The following C8orf34 variants were observed in gnomAD, a reference collection of about 807,000 sequenced individuals.
C8orf34 encodes the protein chromosome 8 open reading frame 34.
In C8orf34, 65 loss-of-function variants were observed where a neutral mutation model predicts 68.3. That is an observed-to-expected ratio of 0.95 (90% CI 0.78 to 1.17). The LOEUF is 1.17. Ranked by LOEUF, C8orf34 falls within the 50% of genes most tolerant of loss-of-function variation. The probability of loss-of-function intolerance (pLI) is 0.00; values close to 1 mark genes in which losing one functional copy is unlikely to be tolerated. For missense variants in C8orf34, 664 were observed against 655.4 expected (o/e 1.01, Z -0.14); for synonymous variants, 244 against 241.2 (o/e 1.01, Z -0.11).
intron 7 of C8orf34, among the ~76,000 whole-genome samples, chr8:68,614,621 G>A (rs1161781330): frequency 1.3e-5 from 2 of 152,096 alleles, no homozygotes; most frequent in Non-Finnish European, 2.9e-5. Flanking sequence ...TTATTTCTGA[G>A]GGCTCTGTTG....
chr8:68,624,144 C>A (rs960477631), intron 7 of C8orf34, among the ~76,000 whole-genome samples: 1 of 151,612 alleles, frequency 6.6e-6, no homozygotes, highest in East Asian at 2.0e-4. Context: ...TGGTGGTGCA[C>A]GCCTGTAATC....
At chr8:68,654,418 T>G (rs1819453869) in intron 8 of C8orf34, among the ~76,000 whole-genome samples, 1 of 152,210 alleles carries the variant, frequency 6.6e-6, no homozygotes, top group Admixed American at 6.5e-5. Context: ...TTTTATCTTT[T>G]TCTGCTTTCT....
At chr8:68,581,585 G>T (rs1317053319) in intron 7 of C8orf34, among the ~76,000 whole-genome samples, 1 of 152,144 alleles carries the variant, frequency 6.6e-6, no homozygotes, top group Non-Finnish European at 1.5e-5. Flanking sequence ...AAAAGTCAGG[G>T]TGTCAAGGTC....
rs140492758 is a variant in C8orf34 at position 68,406,469 on chromosome 8, A to C, written c.328-33030A>C. On this transcript the variant is annotated intron_variant, in intron 1 of 13. Coordinates refer to ENST00000518698, the MANE Select transcript of C8orf34 (RefSeq NM_052958.4). The stretch of plus-strand genomic sequence containing the variant: ...GACCGGTAGTTTCTTCTCTTTTTTA[A>C]ATTTTTATTGATTTTAATTAATTAA... Among the ~76,000 whole-genome samples the C allele has an allele frequency of 6.6e-3, 1,005 of 151,772 alleles. 16 individuals carry two copies. The highest frequency in any genetic ancestry group is 0.023 in the African/African-American group (964 of 41,374).
chr8:68,355,121 A>C (rs1022619587), intron 1 of C8orf34, among the ~76,000 whole-genome samples: 2 of 152,162 alleles, frequency 1.3e-5, no homozygotes, highest in African/African-American at 2.4e-5. Context: ...ATATACTTAA[A>C]TACACAATTA....
At chr8:68,671,914 T>G (rs1820024026) in intron 8 of C8orf34, among the ~76,000 whole-genome samples, 1 of 152,160 alleles carries the variant, frequency 6.6e-6, no homozygotes, top group South Asian at 2.1e-4. Flanking sequence ...AGATACAGTA[T>G]AAGTCATTAT....
At chr8:68,675,439 G>A (rs1585711857) in intron 8 of C8orf34, among the ~76,000 whole-genome samples, 1 of 151,974 alleles carries the variant, frequency 6.6e-6, no homozygotes, top group East Asian at 1.9e-4. Context: ...TTAAAATGTA[G>A]AGCTTTTATT....
intron 1 of C8orf34, among the ~76,000 whole-genome samples, chr8:68,367,936 A>AAAAAAAAT (rs1807379793): frequency 7.6e-6 from 1 of 131,508 alleles, no homozygotes; most frequent in Admixed American, 7.5e-5. Context: ...AAAAAAAAAA[A>AAAAAAAAT]AGAAAAAAGT....
At chr8:68,359,592 G>A (rs1806897696) in intron 1 of C8orf34, among the ~76,000 whole-genome samples, 1 of 152,144 alleles carries the variant, frequency 6.6e-6, no homozygotes, top group Admixed American at 6.5e-5. Context: ...GTGGGGAAGT[G>A]GAACGAGTGA....
At chr8:68,525,956 C>CTTTTTTTTTTTT (rs10692707) in intron 6 of C8orf34, 6 of 178,754 alleles carry the variant, frequency 3.4e-5, no homozygotes, top group Admixed American at 8.9e-5. Context: ...TTCTTTCTTT[C>CTTTTTTTTTTTT]TTTTTTTTTT....
chr8:68,673,389 G>C (rs961958990), intron 8 of C8orf34, among the ~76,000 whole-genome samples: 3 of 151,980 alleles, frequency 2.0e-5, no homozygotes, highest in Non-Finnish European at 2.9e-5. Context: ...ACCTGCCTGG[G>C]GTCAGAGGAG....
At chr8:68,604,907 A>T (rs2164202) in intron 7 of C8orf34, among the ~76,000 whole-genome samples, 40,802 of 152,052 alleles carry the variant, frequency 0.27, 7,643 homozygotes, top group African/African-American at 0.54. Context: ...TGTCAAGAGA[A>T]CATAAAGACA....
intron 1 of C8orf34, among the ~76,000 whole-genome samples, chr8:68,419,113 A>G (rs1809819238): frequency 6.6e-6 from 1 of 152,088 alleles, no homozygotes; most frequent in African/African-American, 2.4e-5. Context: ...AGAATCTACA[A>G]TGAACTCAAA....
At chr8:68,473,590 C>A (rs1053699789) in intron 4 of C8orf34, among the ~76,000 whole-genome samples, 1 of 152,108 alleles carries the variant, frequency 6.6e-6, no homozygotes, top group African/African-American at 2.4e-5. Flanking sequence ...TTACAGTCTG[C>A]TCTTTGCTAG....
intron 3 of C8orf34, among the ~76,000 whole-genome samples, chr8:68,449,461 C>T (rs1353703063): frequency 3.3e-5 from 5 of 152,134 alleles, no homozygotes; most frequent in African/African-American, 1.2e-4. Context: ...CAGCCCCTGG[C>T]AACCTGCTTT....
intron 5 of C8orf34, among the ~76,000 whole-genome samples, chr8:68,513,853 T>C (rs1343336798): frequency 6.6e-6 from 1 of 151,196 alleles, no homozygotes; most frequent in Non-Finnish European, 1.5e-5. Flanking sequence ...TGCCGGTCTG[T>C]CCCAGAAAAG....
intron 6 of C8orf34, among the ~76,000 whole-genome samples, chr8:68,523,369 T>G (rs1814839443): frequency 6.6e-6 from 1 of 152,184 alleles, no homozygotes; most frequent in Non-Finnish European, 1.5e-5. Flanking sequence ...GTCAGTCTAT[T>G]TTCTTCCTAG....
intron 4 of C8orf34, among the ~76,000 whole-genome samples, chr8:68,469,967 C>T (rs1482524230): frequency 1.3e-5 from 2 of 149,500 alleles, no homozygotes; most frequent in African/African-American, 4.9e-5. Context: ...TATGTGTGTA[C>T]AGCTTTAGTT....
intron 2 of C8orf34, among the ~76,000 whole-genome samples, chr8:68,444,090 G>T (rs1006131622): frequency 2.0e-5 from 3 of 151,852 alleles, no homozygotes; most frequent in African/African-American, 7.3e-5. Context: ...TTTCTTTGTT[G>T]ACTCTCTTTT....
Sources: allele counts gnomAD v4.1 joint callset (sites outside exome capture counted in the v4.1 genomes callset), GRCh38; gene constraint gnomAD v4.1.1; transcripts MANE v1.5; gene names NCBI Gene and HGNC (gene_info 2026-07-23, HGNC 2026-07-21).